The following RALYL variants were observed in gnomAD, a reference collection of about 807,000 sequenced individuals.
RALYL encodes the protein RNA-binding Raly-like protein.
A neutral mutation model predicts 35.1 loss-of-function variants in RALYL; 29 were observed. The observed-to-expected ratio is 0.83, with a 90% CI of 0.61 to 1.13. RALYL has a LOEUF of 1.13. RALYL is among the 50% of genes most tolerant of loss of function. The pLI is 0.00. For missense variants in RALYL, 359 were observed against 360.4 expected (o/e 1.00, Z 0.03); for synonymous variants, 120 against 127.6 (o/e 0.94, Z 0.40).
intron 1 of RALYL, among the ~76,000 whole-genome samples, chr8:84,340,391 C>A (rs1848587134): frequency 6.6e-6 from 1 of 152,080 alleles, no homozygotes; most frequent in Admixed American, 6.6e-5. Context: ...GGAACTTAAT[C>A]ATCTTACATA....
chr8:84,183,003 T>G (rs190815950), upstream of RALYL: 1 of 152,684 alleles, frequency 6.5e-6, no homozygotes, highest in African/African-American at 2.4e-5. Context: ...AGCAACAACT[T>G]TGAGGTGAGC....
chr8:84,672,971 A>G (rs1488379262), intron 2 of RALYL, among the ~76,000 whole-genome samples: 2 of 152,160 alleles, frequency 1.3e-5, no homozygotes, highest in Non-Finnish European at 2.9e-5. Flanking sequence ...ACAAAGGCTG[A>G]ACTAATTTAC....
At chr8:84,199,409 G>C (rs952950404) in intron 1 of RALYL, among the ~76,000 whole-genome samples, 1 of 152,106 alleles carries the variant, frequency 6.6e-6, no homozygotes, top group Non-Finnish European at 1.5e-5. Context: ...TCTTTTGTCA[G>C]ATGGGCAATT....
chr8:84,701,729 A>G (rs762879765), intron 2 of RALYL, among the ~76,000 whole-genome samples: 15 of 152,100 alleles, frequency 9.9e-5, no homozygotes, highest in Non-Finnish European at 1.8e-4. Flanking sequence ...CTGTCATCCC[A>G]AGTCAGCTCT....
intron 6 of RALYL, among the ~76,000 whole-genome samples, chr8:84,868,411 C>T (rs186729810): frequency 7.9e-5 from 12 of 152,146 alleles, no homozygotes; most frequent in Admixed American, 2.0e-4. Context: ...CCAGGCTGAT[C>T]GTAAACTCCT....
At chr8:84,344,138 C>G (rs1849376848) in intron 1 of RALYL, among the ~76,000 whole-genome samples, 1 of 151,736 alleles carries the variant, frequency 6.6e-6, no homozygotes, top group East Asian at 1.9e-4. Flanking sequence ...GATTTGTTTT[C>G]TCTTTAGTTT....
chr8:84,502,434 G>C (rs2056779641), intron 1 of RALYL, among the ~76,000 whole-genome samples: 1 of 151,500 alleles, frequency 6.6e-6, no homozygotes, highest in South Asian at 2.1e-4. Context: ...CAAATTCTGA[G>C]ACTAAAAAAC....
intron 1 of RALYL, among the ~76,000 whole-genome samples, chr8:84,495,494 CA>C (rs2055898326): frequency 6.6e-6 from 1 of 151,830 alleles, no homozygotes; most frequent in African/African-American, 2.4e-5. Flanking sequence ...AAATATCTAA[CA>C]AAAATGGATA....
chr8:84,678,875 T>G (rs1236246624), intron 2 of RALYL: 1 of 184,084 alleles, frequency 5.4e-6, no homozygotes, highest in Non-Finnish European at 1.2e-5. Context: ...GAGCTCTGAA[T>G]GAAGAGGATA....
At chr8:84,741,461 T>G (rs192729525) in intron 2 of RALYL, among the ~76,000 whole-genome samples, 11 of 152,164 alleles carry the variant, frequency 7.2e-5, no homozygotes, top group African/African-American at 2.4e-4. Flanking sequence ...GAAAACAAAT[T>G]CAGTTCCAAA....
At chr8:84,602,583 CAG>C (rs996446668) in intron 2 of RALYL, among the ~76,000 whole-genome samples, 1 of 152,004 alleles carries the variant, frequency 6.6e-6, no homozygotes, top group Non-Finnish European at 1.5e-5. Context: ...AGGATTTTTC[CAG>C]AGTTTTAAAG....
At chr8:84,811,324 A>G (rs12019375) in intron 4 of RALYL, among the ~76,000 whole-genome samples, 107,518 of 151,986 alleles carry the variant, frequency 0.71, 38,318 homozygotes, top group East Asian at 0.89. Context: ...TTTTGTTTAA[A>G]GAGGCTGAAG....
intron 2 of RALYL, among the ~76,000 whole-genome samples, chr8:84,765,059 G>C (rs181249500): frequency 6.6e-6 from 1 of 152,248 alleles, no homozygotes; most frequent in East Asian, 1.9e-4. Flanking sequence ...TGTAGCTCTT[G>C]TAAACCACAG....
intron 1 of RALYL, among the ~76,000 whole-genome samples, chr8:84,403,100 A>G (rs1346806213): frequency 6.6e-6 from 1 of 152,066 alleles, no homozygotes; most frequent in Non-Finnish European, 1.5e-5. Flanking sequence ...ATTTTCTCCC[A>G]TTCTGTGGGT....
chr8:84,233,155 A>ATTT (rs112896696), intron 1 of RALYL, among the ~76,000 whole-genome samples: 13 of 151,718 alleles, frequency 8.6e-5, no homozygotes, highest in South Asian at 2.1e-4. Flanking sequence ...AATAATTTTT[A>ATTT]TTGTTTTTTT....
At chr8:84,235,202 G>A (rs1248831644) in intron 1 of RALYL, among the ~76,000 whole-genome samples, 1 of 152,062 alleles carries the variant, frequency 6.6e-6, no homozygotes, top group East Asian at 1.9e-4. Context: ...ATTATAATGT[G>A]AAAATTAATT....
intron 1 of RALYL, among the ~76,000 whole-genome samples, chr8:84,492,770 A>G (rs1297277483): frequency 2.6e-5 from 4 of 152,164 alleles, no homozygotes; most frequent in African/African-American, 7.2e-5. Context: ...AAGGTATTAC[A>G]TAATGTAGTT....
At chr8:84,870,234 A>T (rs187067750) in intron 6 of RALYL, among the ~76,000 whole-genome samples, 3 of 151,700 alleles carry the variant, frequency 2.0e-5, no homozygotes, top group African/African-American at 7.3e-5. Context: ...GATTTTTATT[A>T]TGACAGTATG....
intron 1 of RALYL, among the ~76,000 whole-genome samples, chr8:84,399,696 TACATTGTAATTACATTGTA>T (rs1270526533): frequency 6.6e-6 from 1 of 152,218 alleles, no homozygotes; most frequent in Non-Finnish European, 1.5e-5. Flanking sequence ...AGAACAGAAT[TACATTGTAATTACATTGTA>T]ATCACAATGT....
Sources: allele counts gnomAD v4.1 joint callset (sites outside exome capture counted in the v4.1 genomes callset), GRCh38; gene constraint gnomAD v4.1.1; transcripts MANE v1.5; gene names NCBI Gene and HGNC (gene_info 2026-07-23, HGNC 2026-07-21).